Variants in PTK2B observed in about 807,000 individuals in gnomAD.
PTK2B encodes the protein protein tyrosine kinase 2 beta, also known as protein-tyrosine kinase 2-beta.
A neutral mutation model predicts 142.9 loss-of-function variants in PTK2B; 71 were observed. That is an observed-to-expected ratio of 0.50 (90% CI 0.41 to 0.61). PTK2B has a LOEUF of 0.61. Ranked by LOEUF, PTK2B falls within the 20% of genes least tolerant of loss-of-function variation. PTK2B has a pLI of 0.00. For missense variants in PTK2B, 1,105 were observed against 1,320.4 expected (o/e 0.84, Z 2.53); for synonymous variants, 519 against 503.4 (o/e 1.03, Z -0.42).
chr8:27,371,438 C>T (rs1362639123), intron 1 of PTK2B, among the ~76,000 whole-genome samples: 1 of 152,158 alleles, frequency 6.6e-6, no homozygotes, highest in Non-Finnish European at 1.5e-5. Context: ...TATGTCTCAG[C>T]TCTACCATTT....
intron 2 of PTK2B, among the ~76,000 whole-genome samples, chr8:27,408,447 A>G (rs544835596): frequency 1.3e-5 from 2 of 152,178 alleles, no homozygotes; most frequent in Non-Finnish European, 2.9e-5. Context: ...TTCTCCTCCA[A>G]TCATATTTCT....
intron 3 of PTK2B, among the ~76,000 whole-genome samples, chr8:27,320,491 G>A (rs374479377): frequency 1.2e-4 from 19 of 152,250 alleles, no homozygotes; most frequent in African/African-American, 1.9e-4. Flanking sequence ...CTGTGCTTCC[G>A]ACTGACTGGC....
At chr8:27,417,477 T>C (rs1165866206) in intron 2 of PTK2B, among the ~76,000 whole-genome samples, 3 of 151,926 alleles carry the variant, frequency 2.0e-5, no homozygotes, top group Non-Finnish European at 4.4e-5. Context: ...ATGGGGGAGT[T>C]TTCTGGGGAT....
chr8:27,449,433 T>G (rs1272620275), intron 24 of PTK2B, among the ~76,000 whole-genome samples: 1 of 152,256 alleles, frequency 6.6e-6, no homozygotes, highest in Admixed American at 6.5e-5. Context: ...AAGTGTGTTT[T>G]GTAGGGCTTA....
intron 2 of PTK2B, among the ~76,000 whole-genome samples, chr8:27,410,630 TAGTG>T (rs1210301852): frequency 6.6e-6 from 1 of 152,088 alleles, no homozygotes; most frequent in Non-Finnish European, 1.5e-5. Flanking sequence ...CCTGAGAAAA[TAGTG>T]AGACAATAGA....
At chr8:27,344,966 G>A (rs763451850) in intron 1 of PTK2B, among the ~76,000 whole-genome samples, 19 of 152,316 alleles carry the variant, frequency 1.2e-4, no homozygotes, top group Non-Finnish European at 2.5e-4. Context: ...GAGATCAGGA[G>A]TTTGAGGCCA....
chr8:27,454,360 C>A, intron 29 of PTK2B, 69 bp downstream of exon 29: 1 of 1,579,720 alleles, frequency 6.3e-7, no homozygotes. Context: ...GGGGACTGCG[C>A]TTCCTGTTGG....
intron 1 of PTK2B, among the ~76,000 whole-genome samples, chr8:27,338,312 C>T (rs963270270): frequency 6.6e-6 from 1 of 151,508 alleles, no homozygotes; most frequent in Non-Finnish European, 1.5e-5. Context: ...AGGTTATGCC[C>T]TCAAAAAAAT....
At chr8:27,357,262 G>A (rs376940845) in intron 1 of PTK2B, among the ~76,000 whole-genome samples, 19 of 152,256 alleles carry the variant, frequency 1.2e-4, no homozygotes, top group African/African-American at 4.3e-4. Context: ...AAAATAAAAA[G>A]TACAAAAAAT....
chr8:27,347,903 C>T (rs1586131319), intron 1 of PTK2B, among the ~76,000 whole-genome samples: 2 of 152,242 alleles, frequency 1.3e-5, no homozygotes, highest in African/African-American at 4.8e-5. Context: ...TTCAAAGCTG[C>T]TCTTCCAAGA....
rs1295523098 is a variant in PTK2B at position 27,430,436 on chromosome 8, C to T, written c.669+18C>T. The T allele has an allele frequency of 1.2e-6, 2 of 1,613,626 alleles. No individual in the cohort carries two copies. Among genetic ancestry groups the T allele is most frequent in the South Asian group, 1.1e-5 (1 of 91,064 alleles). Reference sequence around the variant, plus strand: ...ACTTAAAGGTGAGGAAACCAATGGGCGAGGACCTCTTCGTGCTGATTCCCG... The same window carrying T: ...ACTTAAAGGTGAGGAAACCAATGGGTGAGGACCTCTTCGTGCTGATTCCCG... On this transcript the variant is annotated intron_variant, in intron 7 of 30. Coordinates refer to ENST00000346049, the MANE Select transcript of PTK2B (RefSeq NM_173176.3).
At position 27,431,479 on chromosome 8, in the gene PTK2B, A is replaced by C; in HGVS notation, c.885+7A>C. The C allele has an allele frequency of 1.2e-6, 2 of 1,613,938 alleles. No individual in the cohort carries two copies. The highest frequency in any genetic ancestry group is 1.7e-6 in the Non-Finnish European group (2 of 1,180,028). ...GACTAGTCAGGACGCAAAGGTAGAG[A>C]GACCCGGGGCAGCCCCACCCAGCCC... On this transcript the variant is annotated splice_region_variant and intron_variant, in intron 9 of 30. Transcript: ENST00000346049.
intron 2 of PTK2B, among the ~76,000 whole-genome samples, chr8:27,412,779 T>G (rs1438410688): frequency 6.6e-6 from 1 of 152,138 alleles, no homozygotes; most frequent in African/African-American, 2.4e-5. Context: ...ATTGGTTGCT[T>G]CTTAGAAGGA....
Position 27,451,496 on chromosome 8 carries a change from G to C in PTK2B, c.2535G>C (p.Lys845Asn). 1 of 1,614,168 alleles carries C rather than the reference G, an allele frequency of 6.2e-7. No individual in the cohort carries two copies. The highest frequency in any genetic ancestry group is 8.5e-7 in the Non-Finnish European group (1 of 1,180,038). Residue 845 changes from lysine to asparagine, a missense_variant, in exon 27 of 31, where the codon AAG (lysine) becomes AAC (asparagine). Transcript: ENST00000346049. ...CCTCCTTCCTCCAGACGCCAGAGAA[G>C]GAGGTCGGCTACCGTGAGTGTTCCC... ...MNDKSPLTPE[K>N]EVGYLEFTGP...
At chr8:27,399,923 A>T (rs891798642) in intron 2 of PTK2B, among the ~76,000 whole-genome samples, 2 of 152,142 alleles carry the variant, frequency 1.3e-5, no homozygotes, top group African/African-American at 4.8e-5. Flanking sequence ...TGCTGTAAGG[A>T]TTGGAGATGG....
chr8:27,329,126 C>T (rs1013527782), intron 1 of PTK2B, among the ~76,000 whole-genome samples: 8 of 152,022 alleles, frequency 5.3e-5, no homozygotes, highest in South Asian at 2.1e-4. Context: ...TTAGTAGAGA[C>T]GGGGTTTCGC....
chr8:27,444,502 T>C (rs1811344534), intron 23 of PTK2B, among the ~76,000 whole-genome samples: 1 of 152,154 alleles, frequency 6.6e-6, no homozygotes, highest in Non-Finnish European at 1.5e-5. Flanking sequence ...CATCCCTCTG[T>C]CTACATCATC....
chr8:27,325,086 G>A (rs1803332430), upstream of PTK2B, among the ~76,000 whole-genome samples: 1 of 152,148 alleles, frequency 6.6e-6, no homozygotes, highest in African/African-American at 2.4e-5. Context: ...GCCTGCAAAG[G>A]GACTGGGGCC....
At chr8:27,385,268 T>G (rs1807278520) in intron 1 of PTK2B, among the ~76,000 whole-genome samples, 1 of 152,166 alleles carries the variant, frequency 6.6e-6, no homozygotes, top group African/African-American at 2.4e-5. Context: ...CCCTTTGGCA[T>G]GGAGAGCTGG....
Sources: gnomAD v4.1 joint callset for allele counts (sites outside exome capture counted in the v4.1 genomes callset) on GRCh38, gnomAD v4.1.1 for gene constraint, MANE v1.5 for transcripts, NCBI Gene and HGNC (gene_info 2026-07-23, HGNC 2026-07-21) for gene names.